SPECC1: variants seen among roughly 807,000 people sequenced by gnomAD.
SPECC1 encodes the protein cytospin-B.
In SPECC1, 62 loss-of-function variants were observed where a neutral mutation model predicts 104.1. The observed-to-expected ratio is 0.60, with a 90% CI of 0.49 to 0.74. The LOEUF (loss-of-function observed/expected upper bound fraction) is 0.74, where lower values mean the gene tolerates loss of function less well. SPECC1 is among the 30% of genes least tolerant of loss of function. SPECC1 has a pLI of 0.00. For missense variants in SPECC1, 1,306 were observed against 1,310.5 expected (o/e 1.00, Z 0.05); for synonymous variants, 513 against 501.6 (o/e 1.02, Z -0.30).
intron 12 of SPECC1, among the ~76,000 whole-genome samples, chr17:20,278,702 TC>T (rs2040656741): frequency 1.9e-5 from 1 of 51,592 alleles, no homozygotes; most frequent in Non-Finnish European, 4.1e-5. Flanking sequence ...AGACCCTGTC[TC>T]TCTCTCTCTC....
At chr17:20,184,181 CAAAAAA>C (rs759475722) in intron 3 of SPECC1, among the ~76,000 whole-genome samples, 3 of 44,226 alleles carry the variant, frequency 6.8e-5, no homozygotes, top group Non-Finnish European at 1.0e-4. Flanking sequence ...ACTCCTGTCT[CAAAAAA>C]AAAAAAAAAA....
chr17:20,273,569 A>G (rs2040480528), intron 12 of SPECC1, among the ~76,000 whole-genome samples: 1 of 152,030 alleles, frequency 6.6e-6, no homozygotes, highest in African/African-American at 2.4e-5. Flanking sequence ...TCATGCCTCC[A>G]CTGCTCACTG....
intron 3 of SPECC1, among the ~76,000 whole-genome samples, chr17:20,130,347 C>T (rs2049548644): frequency 6.6e-6 from 1 of 152,094 alleles, no homozygotes; most frequent in Admixed American, 6.6e-5. Context: ...GCAGCCTGGA[C>T]AACACGGCAA....
At chr17:20,246,175 A>G (rs1472245528) in intron 8 of SPECC1, 104 bp downstream of exon 8, 1 of 1,402,372 alleles carries the variant, frequency 7.1e-7, no homozygotes, top group African/African-American at 1.4e-5. Context: ...TGTTGTTACA[A>G]CCACAAGGGC....
chr17:20,173,391 T>G (rs1017808364), intron 3 of SPECC1, among the ~76,000 whole-genome samples: 2 of 152,242 alleles, frequency 1.3e-5, no homozygotes, highest in African/African-American at 4.8e-5. Flanking sequence ...GTGGTCACTT[T>G]TATTTATCAA....
chr17:20,022,969 G>T (rs1597577640), intron 1 of SPECC1, among the ~76,000 whole-genome samples: 1 of 152,162 alleles, frequency 6.6e-6, no homozygotes, highest in East Asian at 1.9e-4. Context: ...CAGCAGTAAT[G>T]ATTCATTCTT....
intron 13 of SPECC1, among the ~76,000 whole-genome samples, chr17:20,299,280 G>A (rs956130019): frequency 3.9e-5 from 6 of 152,044 alleles, no homozygotes; most frequent in Middle Eastern, 3.2e-3. Context: ...TGGGCCATGT[G>A]TGGGGGCTCA....
chr17:20,313,649 A>G (rs1406093378), intron 14 of SPECC1, among the ~76,000 whole-genome samples: 1 of 152,272 alleles, frequency 6.6e-6, no homozygotes, highest in Non-Finnish European at 1.5e-5. Context: ...AATGTAATTT[A>G]GAAACTTGGA....
At position 20,257,622 on chromosome 17, in the gene SPECC1, AC is replaced by A. The variant is rs1278833578; in HGVS notation, c.2837+16del. The A allele has an allele frequency of 1.4e-5, 22 of 1,610,064 alleles. No homozygotes were observed. The highest frequency in any genetic ancestry group is 1.8e-5 in the Non-Finnish European group (21 of 1,179,070). Reference sequence around the variant, plus strand: ...AGCAAACTCAGGTATCGTGTTTCAAACAATAAGAAATCAGAAAAACATCGGG... The same window carrying A: ...AGCAAACTCAGGTATCGTGTTTCAAAAATAAGAAATCAGAAAAACATCGGG... On this transcript the variant is annotated intron_variant, in intron 11 of 14. Transcript: ENST00000395527.
intron 3 of SPECC1, among the ~76,000 whole-genome samples, chr17:20,132,111 A>C (rs2049676694): frequency 6.7e-6 from 1 of 149,378 alleles, no homozygotes; most frequent in Non-Finnish European, 1.5e-5. Flanking sequence ...CCATGAGTGG[A>C]TTTTGAATTT....
chr17:20,316,901 C>G lies in SPECC1; in HGVS notation c.*2836C>G. 4.7e-6 allele frequency: 1 copy of G among 214,672 alleles called. No individual in the cohort carries two copies. Among genetic ancestry groups the G allele is most frequent in the Admixed American group, 5.9e-5 (1 of 17,088 alleles). The allele number at this position is 214,672 out of a possible 1,614,324, so 13.3% of individuals were successfully genotyped here. A position where few individuals can be genotyped will look rare whatever the true frequency, so the allele number is the denominator to read the frequency against. ...TCCCTCCCCGCTGGGGCCATACCAG[C>G]CCCTCTCCACTGGGAGCCCAAGTTG... On this transcript the variant is annotated 3_prime_UTR_variant, in exon 15 of 15. Coordinates refer to ENST00000395527, the MANE Select transcript of SPECC1 (RefSeq NM_001243439.2).
At chr17:20,267,796 G>A (rs182898848) in intron 12 of SPECC1, among the ~76,000 whole-genome samples, 2 of 152,330 alleles carry the variant, frequency 1.3e-5, no homozygotes, top group East Asian at 3.9e-4. Flanking sequence ...CAAGTTGTGT[G>A]TAGTGCCACC....
chr17:20,177,970 A>ATTG (rs1266442462), intron 3 of SPECC1, among the ~76,000 whole-genome samples: 1 of 151,988 alleles, frequency 6.6e-6, no homozygotes, highest in Non-Finnish European at 1.5e-5. Flanking sequence ...GGCCTCCCAA[A>ATTG]GTGCTGGGAT....
chr17:20,257,757 T>A, intron 11 of SPECC1, 150 bp downstream of exon 11: 1 of 1,092,248 alleles, frequency 9.2e-7, no homozygotes, highest in Non-Finnish European at 1.3e-6. Context: ...TTGGTGAGTC[T>A]AAAAGGATGA....
intron 4 of SPECC1, among the ~76,000 whole-genome samples, chr17:20,208,935 G>A (rs2036959540): frequency 1.3e-5 from 2 of 152,080 alleles, no homozygotes; most frequent in African/African-American, 4.8e-5. Flanking sequence ...TGGGTAGCTG[G>A]GACTGCAGCC....
intron 3 of SPECC1, among the ~76,000 whole-genome samples, chr17:20,186,728 G>GT (rs1481207238): frequency 7.3e-5 from 11 of 151,718 alleles, no homozygotes; most frequent in East Asian, 1.9e-4. Flanking sequence ...ACCACACCTG[G>GT]GTTTTTTTTG....
At chr17:20,237,171 A>C in intron 7 of SPECC1, 2 of 1,339,048 alleles carry the variant, frequency 1.5e-6, no homozygotes, top group South Asian at 1.6e-5. Context: ...AAGTTCTGAA[A>C]AAAACAAAGT....
At chr17:20,112,508 C>A (rs1196791026) in intron 3 of SPECC1, 1 of 770,034 alleles carries the variant, frequency 1.3e-6, no homozygotes, top group East Asian at 2.4e-5. Context: ...TGGTGCTGAT[C>A]TTTCTCATTT....
chr17:20,234,347 G>T (rs1469680426), intron 7 of SPECC1, among the ~76,000 whole-genome samples: 1 of 152,190 alleles, frequency 6.6e-6, no homozygotes, highest in Non-Finnish European at 1.5e-5. Flanking sequence ...AGTGCATTTG[G>T]CAGGAAGTCA....
Sources: gnomAD v4.1 joint callset for allele counts (sites outside exome capture counted in the v4.1 genomes callset) on GRCh38, gnomAD v4.1.1 for gene constraint, MANE v1.5 for transcripts, NCBI Gene and HGNC (gene_info 2026-07-23, HGNC 2026-07-21) for gene names.